The following PARP4 variants were observed in gnomAD, a reference collection of about 807,000 sequenced individuals.
The protein encoded by PARP4 is poly(ADP-ribose) polymerase family member 4.
PARP4 carries 120 observed loss-of-function variants against 187.7 expected under a neutral mutation model. The observed-to-expected ratio is 0.64, with a 90% confidence interval of 0.55 to 0.74. The LOEUF (loss-of-function observed/expected upper bound fraction) is 0.74. Among genes scored for constraint, PARP4 ranks in the 30% least tolerant of loss-of-function variants. The probability of loss-of-function intolerance (pLI) is 0.00; values close to 1 mark genes in which losing one functional copy is unlikely to be tolerated. For missense variants in PARP4, 1,836 were observed against 2,070.5 expected, an observed-to-expected ratio of 0.89 and a Z score of 2.20; for synonymous variants, 654 against 740.9, an observed-to-expected ratio of 0.88 and a Z score of 1.90.
intron 30 of PARP4, among the ~76,000 whole-genome samples, chr13:24,439,879 C>T (rs1174501457): frequency 6.6e-6 from 1 of 152,154 alleles, no homozygotes; most frequent in Admixed American, 6.5e-5. Flanking sequence ...CTTCAAGCAG[C>T]CCTGAGTCCC....
chr13:24,500,323 G>C lies in PARP4; in HGVS notation c.394C>G (p.Leu132Val). 6 of 1,588,886 alleles carry C rather than the reference G, an allele frequency of 3.8e-6. No individual in the cohort carries two copies. The highest frequency in any genetic ancestry group is 4.3e-6 in the Non-Finnish European group (5 of 1,163,548). ...CAGAAAGAAGTAAATTACTCAGTGA[G>C]TTCCACAGTGTCTTCCTCCTCTGTG... is the stretch of plus-strand genomic sequence containing the variant. Reference protein sequence around the residue: ...SATEEEDTVELTEFGMQNVEI... With the variant: ...SATEEEDTVEVTEFGMQNVEI... The change falls in exon 4 of 34, where the codon CTC becomes GTC. Residue 132 changes from leucine to valine, a missense_variant. This residue lies in a region of PARP4 where 1,147 missense variants were observed against 1,214.2 expected (regional missense o/e 0.94). Transcript: ENST00000381989.
At chr13:24,507,174 C>T (rs1482869675) in intron 1 of PARP4, among the ~76,000 whole-genome samples, 1 of 152,220 alleles carries the variant, frequency 6.6e-6, no homozygotes, top group East Asian at 1.9e-4. Context: ...GCCCCGGTTC[C>T]GTCCTGCGCC....
intron 27 of PARP4, among the ~76,000 whole-genome samples, chr13:24,445,373 G>C (rs2137458907): frequency 6.6e-6 from 1 of 151,954 alleles, no homozygotes; most frequent in Middle Eastern, 3.4e-3. Context: ...GGTTGCTGGG[G>C]AACCAACCAT....
At chr13:24,422,314 T>A (rs1869788056) in intron 33 of PARP4, among the ~76,000 whole-genome samples, 1 of 152,212 alleles carries the variant, frequency 6.6e-6, no homozygotes, top group Non-Finnish European at 1.5e-5. Context: ...TCGCTGAATG[T>A]CATGATACTA....
At chr13:24,459,157 C>T (rs750167764) in intron 19 of PARP4, 35 bp from the exon 20 acceptor site, 50 of 1,578,048 alleles carry the variant, frequency 3.2e-5, no homozygotes, top group East Asian at 1.1e-4. Context: ...TCTTAGTCTA[C>T]GATCTTAAAT....
chr13:24,461,523 C>T (rs554961447), intron 17 of PARP4, among the ~76,000 whole-genome samples: 19 of 152,200 alleles, frequency 1.2e-4, no homozygotes, highest in Non-Finnish European at 2.2e-4. Flanking sequence ...TCTGTGTGAA[C>T]TCCTCCCGGC....
At chr13:24,424,458 C>T (rs1869913935) in intron 33 of PARP4, among the ~76,000 whole-genome samples, 1 of 152,100 alleles carries the variant, frequency 6.6e-6, no homozygotes, top group Non-Finnish European at 1.5e-5. Flanking sequence ...ACATGTTCCT[C>T]TATTCTCTGA....
chr13:24,472,421 C>G (rs377137410), intron 15 of PARP4, among the ~76,000 whole-genome samples: 1 of 152,130 alleles, frequency 6.6e-6, no homozygotes. Flanking sequence ...ATCCAAACTG[C>G]TCTTCTCACC....
At chr13:24,488,794 GA>G (rs1369912211) in intron 10 of PARP4, among the ~76,000 whole-genome samples, 2 of 152,082 alleles carry the variant, frequency 1.3e-5, no homozygotes, top group Non-Finnish European at 2.9e-5. Flanking sequence ...TTGCCCAAAA[GA>G]AAACCCCGTA....
intron 17 of PARP4, among the ~76,000 whole-genome samples, chr13:24,466,656 G>A (rs1467986625): frequency 2.0e-5 from 3 of 151,936 alleles, no homozygotes; most frequent in Non-Finnish European, 4.4e-5. Flanking sequence ...TTAGCTGGGT[G>A]TGGTGGTATG....
At chr13:24,443,490 C>A (rs1238706861) in intron 28 of PARP4, among the ~76,000 whole-genome samples, 160 bp downstream of exon 28, 1 of 151,450 alleles carries the variant, frequency 6.6e-6, no homozygotes, top group African/African-American at 2.4e-5. Context: ...TTACCACACA[C>A]CCCACATCCC....
chr13:24,456,590 A>G, intron 20 of PARP4, 112 bp from the exon 21 acceptor site: 7 of 949,422 alleles, frequency 7.4e-6, no homozygotes, highest in Non-Finnish European at 1.0e-5. Flanking sequence ...AACTCTATTA[A>G]GAATCAACAA....
intron 17 of PARP4, among the ~76,000 whole-genome samples, chr13:24,462,450 G>A (rs1328650389): frequency 6.6e-6 from 1 of 152,148 alleles, no homozygotes; most frequent in Non-Finnish European, 1.5e-5. Context: ...TGCCACTTCT[G>A]GGCATAAATG....
intron 1 of PARP4, among the ~76,000 whole-genome samples, chr13:24,506,310 G>A (rs1267262589): frequency 3.3e-5 from 5 of 152,126 alleles, no homozygotes; most frequent in Admixed American, 1.3e-4. Context: ...AGACCTCCGC[G>A]ATTTAAAGGC....
At chr13:24,510,908 C>G (rs1869980121) in intron 1 of PARP4, among the ~76,000 whole-genome samples, 1 of 152,132 alleles carries the variant, frequency 6.6e-6, no homozygotes. Context: ...GCAATCCTTT[C>G]ACCCGGCCTA....
chr13:24,422,801 GT>G (rs554003516), intron 33 of PARP4, among the ~76,000 whole-genome samples: 137 of 152,046 alleles, frequency 9.0e-4, no homozygotes, highest in African/African-American at 3.2e-3. Context: ...TAGAGACGGG[GT>G]TTCACCATCT....
chr13:24,441,966 A>G lies in PARP4; in HGVS notation c.3546T>C (p.Asp1182=). 2 of 1,594,572 alleles carry G rather than the reference A, an allele frequency of 1.3e-6. No homozygotes were observed. Among genetic ancestry groups the G allele is most frequent in the Non-Finnish European group, 1.7e-6 (2 of 1,171,702 alleles). ...FTSFVAVEKR[D]ENESPFPDIP... ...TATCAGGAAAAGGCGACTCATTCTC[A>G]TCCTATATTGAATCACAAATAGATT... The change falls in exon 30 of 34, where the codon GAT becomes GAC. Residue 1182 remains aspartate, a splice_region_variant and synonymous_variant. Coordinates refer to ENST00000381989, the MANE Select transcript of PARP4 (RefSeq NM_006437.4).
intron 30 of PARP4, among the ~76,000 whole-genome samples, chr13:24,440,349 G>A (rs1461834206): frequency 1.5e-5 from 2 of 136,498 alleles, no homozygotes; most frequent in East Asian, 2.2e-4. Context: ...AGTGAATTGA[G>A]ATCATGCCAC....
At chr13:24,427,842 T>A (rs1325887941) in intron 32 of PARP4, among the ~76,000 whole-genome samples, 2 of 152,206 alleles carry the variant, frequency 1.3e-5, no homozygotes, top group Non-Finnish European at 2.9e-5. Flanking sequence ...TTTGCTGGAT[T>A]CTTTTGTGGC....
Sources: gnomAD v4.1 joint callset for allele counts (sites outside exome capture counted in the v4.1 genomes callset) on GRCh38, gnomAD v4.1.1 for gene constraint, gnomAD v4.1.1 regional missense constraint, MANE v1.5 for transcripts, NCBI Gene and HGNC (gene_info 2026-07-23, HGNC 2026-07-21) for gene names.